WDSUB1: variants seen among roughly 807,000 people sequenced by gnomAD.
WDSUB1 encodes the protein WD repeat, sterile alpha motif and U-box domain containing 1.
WDSUB1 carries 49 observed loss-of-function variants against 53.9 expected under a neutral mutation model. The ratio of observed to expected loss-of-function variants is 0.91; its 90% CI spans 0.72 to 1.15. The LOEUF (loss-of-function observed/expected upper bound fraction) is 1.15. Among genes scored for constraint, WDSUB1 ranks in the 50% most tolerant of loss-of-function variants. The pLI is 0.00. For synonymous variants in WDSUB1, 194 were observed against 200.6 expected, an observed-to-expected ratio of 0.97 and a Z score of 0.28; for missense variants, 514 against 562.0, an observed-to-expected ratio of 0.91 and a Z score of 0.86.
intron 3 of WDSUB1, among the ~76,000 whole-genome samples, 153 bp from the exon 4 acceptor site, chr2:159,275,791 T>G (rs1411657499): frequency 6.6e-6 from 1 of 152,248 alleles, no homozygotes; most frequent in African/African-American, 2.4e-5. Context: ...AAATGCTGAT[T>G]AAAGAATTTC....
rs1427206523 is a variant in WDSUB1 at position 159,275,602 on chromosome 2, G to A, written c.620C>T (p.Ser207Leu). Residue 207 changes from serine (S) to leucine (L), a missense_variant, in exon 4 of 11, where the codon TCA becomes TTA. By Grantham distance (145) the Ser-to-Leu change is moderately radical. Transcript: ENST00000359774. ...EQGLQFFRLA[S>L]CGQDCQVKIW... ...TTTGACTTGGCAATCCTGACCACAT[G>A]ATGCCAGTCGAAAAAACTGAAGACC... is the stretch of plus-strand genomic sequence containing the variant. The A allele has an allele frequency of 6.2e-7, 1 of 1,606,682 alleles. No homozygotes were observed. Among genetic ancestry groups the A allele is most frequent in the Admixed American group, 1.7e-5 (1 of 58,406 alleles).
intron 6 of WDSUB1, among the ~76,000 whole-genome samples, chr2:159,259,551 A>C (rs1403802154): frequency 6.6e-6 from 1 of 152,252 alleles, no homozygotes; most frequent in Non-Finnish European, 1.5e-5. Context: ...TGTTTTGAAC[A>C]CTGGTGCTCT....
At chr2:159,266,267 C>T (rs1246825115) in intron 5 of WDSUB1, among the ~76,000 whole-genome samples, 1 of 152,028 alleles carries the variant, frequency 6.6e-6, no homozygotes, top group Admixed American at 6.6e-5. Flanking sequence ...GGACTCACCG[C>T]AAGCACCGCC....
At position 159,275,612 on chromosome 2, in the gene WDSUB1, G is replaced by A. The variant is rs574741937; in HGVS notation, c.610C>T (p.Arg204Ter). ...CAATCCTGACCACATGATGCCAGTC[G>A]AAAAAACTGAAGACCTTGTTCTCCA... is the stretch of plus-strand genomic sequence containing the variant. ...SDGEQGLQFF[R>*]LASCGQDCQV... The change falls in exon 4 of 11, where the codon CGA becomes TGA. Residue 204 changes from arginine to a stop codon, truncating the protein, a stop_gained. Coordinates refer to ENST00000359774, the MANE Select transcript of WDSUB1 (RefSeq NM_001128212.3). LOFTEE classifies it high-confidence loss of function. The A allele has an allele frequency of 9.4e-6, 15 of 1,603,102 alleles. No individual in the cohort carries two copies. The highest frequency in any genetic ancestry group is 3.4e-5 in the South Asian group (3 of 88,136).
Position 159,279,912 on chromosome 2 carries a change from T to TA in WDSUB1, c.431_432insT (p.Cys145MetfsTer6). 1 of 1,612,422 alleles carries TA rather than the reference T, an allele frequency of 6.2e-7. No individual in the cohort carries two copies. Among genetic ancestry groups the TA allele is most frequent in the Non-Finnish European group, 8.5e-7 (1 of 1,178,824 alleles). ...AGCTTCCATTAGGAGAAAATGCACA[T>TA]GCCGCCAAGGAGCCATCTTTAACAC... On this transcript the variant is annotated frameshift_variant, in exon 3 of 11. Coordinates refer to ENST00000359774, the MANE Select transcript of WDSUB1 (RefSeq NM_001128212.3). LOFTEE classifies it high-confidence loss of function.
rs1050424126 is a variant in WDSUB1 at position 159,257,918 on chromosome 2, T to C, written c.845+27A>G. The C allele has an allele frequency of 1.9e-6, 3 of 1,610,214 alleles. No individual in the cohort carries two copies. The African/African-American group carries it at 4.0e-5, about 22-fold the overall frequency. On this transcript the variant is annotated intron_variant, in intron 7 of 10. Coordinates refer to ENST00000359774, the MANE Select transcript of WDSUB1 (RefSeq NM_001128212.3). ...CTTCTGACTAATTTTTAAATTATAT[T>C]AATACAAGGTGAGGTTAAGTTCAGA... is the stretch of plus-strand genomic sequence containing the variant.
chr2:159,280,905 A>G (rs1001056532), intron 2 of WDSUB1, among the ~76,000 whole-genome samples: 1 of 152,142 alleles, frequency 6.6e-6, no homozygotes, highest in Non-Finnish European at 1.5e-5. Flanking sequence ...TCTATCATTT[A>G]TATATAATTA....
chr2:159,258,051 T>A, intron 6 of WDSUB1, 66 bp from the exon 7 acceptor site: 1 of 1,444,926 alleles, frequency 6.9e-7, no homozygotes, highest in African/African-American at 1.4e-5. Context: ...TGAAGACTCA[T>A]TTGACATAAA....
intron 9 of WDSUB1, among the ~76,000 whole-genome samples, chr2:159,253,609 G>A (rs1376318229): frequency 6.6e-6 from 1 of 152,154 alleles, no homozygotes; most frequent in Non-Finnish European, 1.5e-5. Context: ...TCCATTTGCT[G>A]AATGTTAAAC....
Position 159,248,453 on chromosome 2 carries a change from T to C in WDSUB1, c.1192A>G (p.Lys398Glu). 1 of 1,603,772 alleles carries C rather than the reference T, an allele frequency of 6.2e-7. No homozygotes were observed. Among genetic ancestry groups the C allele is most frequent in the Non-Finnish European group, 8.5e-7 (1 of 1,176,444 alleles). Residue 398 changes from lysine (K) to glutamate (E), a missense_variant, in exon 10 of 11, where the codon AAA becomes GAA. Transcript: ENST00000359774. The stretch of plus-strand genomic sequence containing the variant: ...TCAGGAATTCCTGAAGAAAGGGATT[T>C]AACCTTGGTCCTGAGCTCTTCAATT... ...RKIEELRTKV[K>E]SLSSGIPDEF...
At chr2:159,237,918 A>C (rs1391007245) in intron 10 of WDSUB1, among the ~76,000 whole-genome samples, 13 of 152,262 alleles carry the variant, frequency 8.5e-5, no homozygotes, top group African/African-American at 2.9e-4. Flanking sequence ...AGGATTGCTA[A>C]AGCAGCATAT....
At chr2:159,236,924 A>G (rs2060498138) in intron 10 of WDSUB1, among the ~76,000 whole-genome samples, 1 of 152,242 alleles carries the variant, frequency 6.6e-6, no homozygotes, top group Non-Finnish European at 1.5e-5. Context: ...CCCGGCCACC[A>G]AGGTTTTTTT....
chr2:159,276,617 T>A (rs1314788834), intron 3 of WDSUB1, among the ~76,000 whole-genome samples: 4 of 152,222 alleles, frequency 2.6e-5, no homozygotes, highest in Admixed American at 2.6e-4. Context: ...CTAAACAATT[T>A]TGGATAATGT....
At chr2:159,237,457 G>A (rs897588956) in intron 10 of WDSUB1, among the ~76,000 whole-genome samples, 2 of 151,848 alleles carry the variant, frequency 1.3e-5, no homozygotes, top group Admixed American at 6.6e-5. Context: ...CGAGACAGAG[G>A]TTGCAGTGAG....
chr2:159,278,495 T>C (rs2061588117), intron 3 of WDSUB1, among the ~76,000 whole-genome samples: 1 of 151,456 alleles, frequency 6.6e-6, no homozygotes, highest in Non-Finnish European at 1.5e-5. Context: ...GAATTAAAAA[T>C]TGTGATACTT....
chr2:159,286,285 C>G (rs980700023), intron 1 of WDSUB1: 6 of 152,668 alleles, frequency 3.9e-5, no homozygotes, highest in African/African-American at 1.4e-4. Flanking sequence ...AATGTGCCCC[C>G]CTCTATGAGC....
intron 9 of WDSUB1, among the ~76,000 whole-genome samples, chr2:159,251,350 T>A (rs1194259927): frequency 1.3e-5 from 2 of 152,272 alleles, no homozygotes; most frequent in African/African-American, 4.8e-5. Context: ...ATATTCTACA[T>A]GTGTGCTAAT....
At chr2:159,258,665 A>C (rs1221288248) in intron 6 of WDSUB1, among the ~76,000 whole-genome samples, 1 of 152,234 alleles carries the variant, frequency 6.6e-6, no homozygotes, top group Non-Finnish European at 1.5e-5. Flanking sequence ...TCTCAAAAAA[A>C]CAAATAAATA....
intron 5 of WDSUB1, among the ~76,000 whole-genome samples, chr2:159,269,372 T>C (rs2061405928): frequency 6.6e-6 from 1 of 152,092 alleles, no homozygotes; most frequent in Non-Finnish European, 1.5e-5. Context: ...GGTTTCACCA[T>C]GTTAGCCAGG....
Sources: gnomAD v4.1 joint callset for allele counts (sites outside exome capture counted in the v4.1 genomes callset) on GRCh38, gnomAD v4.1.1 for gene constraint, MANE v1.5 for transcripts, NCBI Gene and HGNC (gene_info 2026-07-23, HGNC 2026-07-21) for gene names.